Variants in HCN3 observed in about 807,000 individuals in gnomAD.
HCN3 encodes the protein hyperpolarization activated cyclic nucleotide gated potassium channel 3, also known as potassium/sodium hyperpolarization-activated cyclic nucleotide-gated channel 3.
Under a neutral mutation model 56.8 loss-of-function variants are expected in HCN3, and 36 were observed. The observed-to-expected ratio is 0.63, with a 90% CI of 0.49 to 0.84. The LOEUF (loss-of-function observed/expected upper bound fraction) is 0.84. Ranked by LOEUF, HCN3 falls within the 40% of genes least tolerant of loss-of-function variation. The probability of loss-of-function intolerance (pLI) is 0.00; values close to 1 mark genes in which losing one functional copy is unlikely to be tolerated. For missense variants in HCN3, 930 were observed against 1,079.3 expected (o/e 0.86, Z 1.94); for synonymous variants, 425 against 439.7 (o/e 0.97, Z 0.42).
In HCN3 at chr1:155,284,849, T is replaced by G; in HGVS notation, c.1089+92T>G. The G allele has an allele frequency of 8.6e-7, 1 of 1,160,036 alleles. No homozygotes were observed. The highest frequency in any genetic ancestry group is 1.2e-6 in the Non-Finnish European group (1 of 816,806). 71.9% of individuals were successfully genotyped at this position (1,160,036 alleles called of 1,614,324 possible). A position where few individuals can be genotyped will look rare whatever the true frequency, so the allele number is the denominator to read the frequency against. On this transcript the variant is annotated intron_variant, in intron 4 of 7. Coordinates refer to ENST00000368358, the MANE Select transcript of HCN3 (RefSeq NM_020897.3). The surrounding 1 kb of genome is among the most constrained non-coding windows in gnomAD (Gnocchi z 4.3). ...GGCCCATTCTGATGTGTGCCCCTGT[T>G]GCGTCTCTGTTTCCTTTCCTGCCCT...
At chr1:155,278,989 G>A (rs989110817) in intron 1 of HCN3, among the ~76,000 whole-genome samples, 5 of 151,524 alleles carry the variant, frequency 3.3e-5, no homozygotes, top group African/African-American at 7.3e-5. Context: ...ATGGCTAGGC[G>A]AACCCTCTTT....
rs747981924 is a variant in HCN3, at chr1:155,282,576, C to T, written c.444C>T (p.Gly148=). ...ATCTGGTGCTCAACTTCCGAACGGG[C>T]ATCGTGGTGGAGGAGGGTGCTGAGA... is the stretch of plus-strand genomic sequence containing the variant. ...LLDLVLNFRT[G]IVVEEGAEIL... is the part of the protein sequence containing the mutation. The change falls in exon 2 of 8, where the codon GGC becomes GGT. Residue 148 remains glycine, a synonymous_variant. Transcript: ENST00000368358. The surrounding 1 kb of genome is among the most constrained non-coding windows in gnomAD (Gnocchi z 4.7). 7 of 1,614,138 alleles carry T rather than the reference C, an allele frequency of 4.3e-6. No homozygotes were observed. The highest frequency in any genetic ancestry group is 5.9e-6 in the Non-Finnish European group (7 of 1,180,062).
At chr1:155,283,870 T>C in intron 2 of HCN3, 104 bp from the exon 3 acceptor site, 1 of 1,192,788 alleles carries the variant, frequency 8.4e-7, no homozygotes, top group Non-Finnish European at 1.2e-6. Flanking sequence ...TCATGGGGGC[T>C]GGGGCTAGGG....
At position 155,288,384 on chromosome 1, in the gene HCN3, C is replaced by T. The variant is rs1674391345; in HGVS notation, c.2246C>T (p.Pro749Leu). ...CCCTCAGGGCTCCTGGCCAAACCTC[C>T]AAGGACAGCCCAGCCCCCCAGGCCA... ...LPPSGLLAKPPRTAQPPRPPV... is the reference protein window; with the variant it reads ...LPPSGLLAKPLRTAQPPRPPV... The change falls in exon 8 of 8, where the codon CCA (proline) becomes CTA (leucine). Residue 749 changes from proline (P) to leucine (L), a missense_variant. Transcript: ENST00000368358. The surrounding 1 kb of genome is among the most constrained non-coding windows in gnomAD (Gnocchi z 6.5). The T allele has an allele frequency of 2.5e-6, 4 of 1,613,784 alleles. No individual in the cohort carries two copies. In the African/African-American group the frequency reaches 5.3e-5, roughly 22 times the overall value.
chr1:155,283,121 T>G (rs1230067209), intron 2 of HCN3, among the ~76,000 whole-genome samples: 3 of 152,128 alleles, frequency 2.0e-5, no homozygotes, highest in African/African-American at 2.4e-5. Context: ...GTTAGCTGGA[T>G]GCTGGGCGGA....
In HCN3 at chr1:155,288,228, C is replaced by G. The variant is rs1194080758; in HGVS notation, c.2090C>G (p.Pro697Arg). ...GRSQVSLLGP[P>R]PGGGGRRLGP... ...TCCCAGGTCTCCCTGCTGGGTCCCC[C>G]TCCAGGAGGAGGTGGACGGCGGCTA... The change falls in exon 8 of 8, where the codon CCT becomes CGT. Residue 697 changes from proline to arginine, a missense_variant. By Grantham distance (103) the Pro-to-Arg change is moderately radical. Transcript: ENST00000368358. This position sits in a 1 kb window ranked among gnomAD's most constrained non-coding sequence, Gnocchi z 6.5. 2 of 1,581,294 alleles carry G rather than the reference C, an allele frequency of 1.3e-6. No individual in the cohort carries two copies. The highest frequency in any genetic ancestry group is 3.6e-5 in the Admixed American group (2 of 55,146).
At chr1:155,283,710 C>G (rs1157055615) in intron 2 of HCN3, among the ~76,000 whole-genome samples, 1 of 152,076 alleles carries the variant, frequency 6.6e-6, no homozygotes, top group Non-Finnish European at 1.5e-5. Context: ...GTTTGATTCT[C>G]TGCTGTGACA....
chr1:155,283,425 C>T, intron 2 of HCN3, among the ~76,000 whole-genome samples: 1 of 151,630 alleles, frequency 6.6e-6, no homozygotes, highest in East Asian at 1.9e-4. Context: ...TTTTATTATA[C>T]TTTAAGTTTT....
In HCN3 at chr1:155,282,738, A is replaced by G. The variant is rs1331952583; in HGVS notation, c.606A>G (p.Lys202=). The part of the protein sequence containing the change: ...LEPRLDAEVY[K]TARALRIVRF... Reference sequence around the variant, plus strand: ...CACGGTTGGACGCTGAGGTCTACAAAACGGCACGGGCCCTACGCATCGTTC... The same window carrying G: ...CACGGTTGGACGCTGAGGTCTACAAGACGGCACGGGCCCTACGCATCGTTC... Residue 202 remains lysine (K), a synonymous_variant, in exon 2 of 8, where the codon AAA becomes AAG. Transcript: ENST00000368358. The surrounding 1 kb of genome is among the most constrained non-coding windows in gnomAD (Gnocchi z 4.7). The G allele has an allele frequency of 6.2e-7, 1 of 1,614,034 alleles. No individual in the cohort carries two copies. Among genetic ancestry groups the G allele is most frequent in the Non-Finnish European group, 8.5e-7 (1 of 1,180,046 alleles).
At chr1:155,278,758 T>C (rs1391499193) in intron 1 of HCN3, among the ~76,000 whole-genome samples, 1 of 152,210 alleles carries the variant, frequency 6.6e-6, no homozygotes, top group Non-Finnish European at 1.5e-5. Flanking sequence ...TATGTCTCTC[T>C]TCCTCCCATT....
chr1:155,285,185 C>T lies in HCN3; in HGVS notation c.1110C>T (p.Tyr370=), dbSNP rs772604711. 1 of 1,614,230 alleles carries T rather than the reference C, an allele frequency of 6.2e-7. No homozygotes were observed. The highest frequency in any genetic ancestry group is 8.5e-7 in the Non-Finnish European group (1 of 1,180,032). The stretch of plus-strand genomic sequence containing the variant: ...TCCAGTACAAGCAGGTGGAGCAGTA[C>T]ATGTCCTTCCACAAGCTGCCAGCAG... ...YQEKYKQVEQ[Y]MSFHKLPADT... is the part of the protein sequence containing the mutation. Residue 370 remains tyrosine (Y), a synonymous_variant, in exon 5 of 8, where the codon TAC becomes TAT. Coordinates refer to ENST00000368358, the MANE Select transcript of HCN3 (RefSeq NM_020897.3). The surrounding 1 kb of genome is among the most constrained non-coding windows in gnomAD (Gnocchi z 4.5).
chr1:155,287,937 C>T lies in HCN3; in HGVS notation c.1799C>T (p.Pro600Leu), dbSNP rs1674361734. Residue 600 changes from proline (P) to leucine (L), a missense_variant, in exon 8 of 8, where the codon CCA becomes CTA. By Grantham distance (98) the Pro-to-Leu change is moderately conservative. Coordinates refer to ENST00000368358, the MANE Select transcript of HCN3 (RefSeq NM_020897.3). ...ACAGGAGCTCAGCTTAGTGGAAAGC[C>T]AGTACTGTGGGAGCCACTGGTACAT... ...PSTGAQLSGK[P>L]VLWEPLVHAP... The T allele has an allele frequency of 6.2e-7, 1 of 1,614,074 alleles. No individual in the cohort carries two copies. Among genetic ancestry groups the T allele is most frequent in the South Asian group, 1.1e-5 (1 of 91,084 alleles).
chr1:155,285,759 C>T lies in HCN3; in HGVS notation c.1272C>T (p.Ala424=), dbSNP rs1572041596. ...IINFTCRGLV[A]HMPLFAHADP... ...ACTTCACCTGTCGGGGCCTGGTGGC[C>T]CACATGCCGCTGTTTGCCCATGCCG... Residue 424 remains alanine, a synonymous_variant, in exon 6 of 8, where the codon GCC becomes GCT. Coordinates refer to ENST00000368358, the MANE Select transcript of HCN3 (RefSeq NM_020897.3). This position sits in a 1 kb window ranked among gnomAD's most constrained non-coding sequence, Gnocchi z 4.5. 2.5e-6 allele frequency: 4 copies of T among 1,614,152 alleles called. No individual in the cohort carries two copies. The East Asian group carries it at 8.9e-5, about 36-fold the overall frequency.
chr1:155,285,120 C>T lies in HCN3; in HGVS notation c.1090-45C>T, dbSNP rs201914366. ...ACACCCCACTGTGCCGGCCCCAAAT[C>T]TCTCCCTCTGTCCTCTTGCCCCTGG... On this transcript the variant is annotated intron_variant, in intron 4 of 7. Coordinates refer to ENST00000368358, the MANE Select transcript of HCN3 (RefSeq NM_020897.3). The surrounding 1 kb of genome is among the most constrained non-coding windows in gnomAD (Gnocchi z 4.5). The T allele has an allele frequency of 1.9e-3, 3,120 of 1,600,264 alleles. 11 individuals are homozygous for T. Among genetic ancestry groups the T allele is most frequent in the Non-Finnish European group, 2.4e-3 (2,754 of 1,170,972 alleles).
In HCN3 at chr1:155,285,032, T is replaced by G; in HGVS notation, c.1090-133T>G. 9.9e-7 allele frequency: 1 copy of G among 1,014,782 alleles called. No homozygotes were observed. Among genetic ancestry groups the G allele is most frequent in the Non-Finnish European group, 1.5e-6 (1 of 674,420 alleles). 62.9% of individuals were successfully genotyped at this position (1,014,782 alleles called of 1,614,324 possible). On this transcript the variant is annotated intron_variant, in intron 4 of 7. Transcript: ENST00000368358. This position sits in a 1 kb window ranked among gnomAD's most constrained non-coding sequence, Gnocchi z 4.5. ...CCGTATTCCTCTGTGGCCCTGTGTA[T>G]CCATGTCTGGTTCCACGTTTCACCC...
At position 155,282,775 on chromosome 1, in the gene HCN3, A is replaced by T. The variant is rs1418149433; in HGVS notation, c.643A>T (p.Ile215Phe). 1 of 1,613,528 alleles carries T rather than the reference A, an allele frequency of 6.2e-7. No homozygotes were observed. Among genetic ancestry groups the T allele is most frequent in the East Asian group, 2.2e-5 (1 of 44,862 alleles). The change falls in exon 2 of 8, where the codon ATC becomes TTC. Residue 215 changes from isoleucine (I) to phenylalanine (F), a missense_variant. Coordinates refer to ENST00000368358, the MANE Select transcript of HCN3 (RefSeq NM_020897.3). The surrounding 1 kb of genome is among the most constrained non-coding windows in gnomAD (Gnocchi z 4.7). The stretch of plus-strand genomic sequence containing the variant: ...CCTACGCATCGTTCGCTTCACCAAG[A>T]TCCTAAGCCTGCTGAGGCTGCTCCG... ...RALRIVRFTK[I>F]LSLLRLLRLS...
intron 2 of HCN3, among the ~76,000 whole-genome samples, chr1:155,283,595 G>A (rs1674160907): frequency 7.6e-6 from 1 of 131,754 alleles, no homozygotes; most frequent in African/African-American, 3.0e-5. Flanking sequence ...CTGGAAAGGA[G>A]AGGGCTGCTG....
At chr1:155,278,503 G>A (rs982608396) in intron 1 of HCN3, 30 of 154,922 alleles carry the variant, frequency 1.9e-4, no homozygotes, top group African/African-American at 5.6e-4. Flanking sequence ...AGGAACAGAG[G>A]GTGGGGGTGG....
At chr1:155,286,986 TG>T (rs1355232964) in intron 6 of HCN3, among the ~76,000 whole-genome samples, 186 bp from the exon 7 acceptor site, 2 of 152,016 alleles carry the variant, frequency 1.3e-5, no homozygotes, top group Non-Finnish European at 2.9e-5. Context: ...CCAGTAATTG[TG>T]GGGGTCTGGA....
Sources: gnomAD v4.1 joint callset for allele counts (sites outside exome capture counted in the v4.1 genomes callset) on GRCh38, gnomAD v4.1.1 for gene constraint, Gnocchi (gnomAD v3.1) non-coding constraint, MANE v1.5 for transcripts, NCBI Gene and HGNC (gene_info 2026-07-23, HGNC 2026-07-21) for gene names.